Variants in SND1 observed in about 807,000 individuals in gnomAD.
SND1 encodes the protein staphylococcal nuclease domain-containing protein 1.
SND1 carries 38 observed loss-of-function variants against 121.7 expected under a neutral mutation model. The observed-to-expected ratio is 0.31, with a 90% CI of 0.24 to 0.41. The LOEUF (loss-of-function observed/expected upper bound fraction) is 0.41, where lower values mean the gene tolerates loss of function less well. Ranked by LOEUF, SND1 falls within the 10% of genes least tolerant of loss-of-function variation. The probability of loss-of-function intolerance (pLI) is 1.00; values close to 1 mark genes in which losing one functional copy is unlikely to be tolerated. For missense variants in SND1, 868 were observed against 1,184.6 expected (o/e 0.73, Z 3.92); for synonymous variants, 401 against 447.4 (o/e 0.90, Z 1.31).
chr7:127,864,063 C>G (rs1380586453), intron 12 of SND1, among the ~76,000 whole-genome samples: 9 of 152,026 alleles, frequency 5.9e-5, no homozygotes, highest in Non-Finnish European at 7.4e-5. Flanking sequence ...TTGAGCAGAA[C>G]TTTTCTGAAA....
chr7:128,066,497 A>G (rs1009223707), intron 16 of SND1, among the ~76,000 whole-genome samples: 3 of 152,216 alleles, frequency 2.0e-5, no homozygotes, highest in Admixed American at 6.5e-5. Context: ...CCACAGTAGC[A>G]CATGGAAAAT....
Position 128,034,961 on chromosome 7 carries a change from G to A in SND1, c.1780-39541G>A, listed in dbSNP as rs1792720623. Among the ~76,000 whole-genome samples the A allele has an allele frequency of 1.3e-5, 2 of 152,214 alleles. 1 individual carries two copies. Among genetic ancestry groups the A allele is most frequent in the South Asian group, 4.1e-4 (2 of 4,832 alleles). Reference sequence around the variant, plus strand: ...TTGGAATGGTGCCACCAAAGAATAAGAAGGAAAGAAGGCTACTTACACCCT... The same window carrying A: ...TTGGAATGGTGCCACCAAAGAATAAAAAGGAAAGAAGGCTACTTACACCCT... On this transcript the variant is annotated intron_variant, in intron 16 of 23. Coordinates refer to ENST00000354725, the MANE Select transcript of SND1 (RefSeq NM_014390.4).
intron 12 of SND1, among the ~76,000 whole-genome samples, chr7:127,862,756 G>A (rs1334543503): frequency 6.6e-6 from 1 of 150,766 alleles, no homozygotes; most frequent in South Asian, 2.1e-4. Context: ...GTTGCGGATG[G>A]ATGGGTGCTC....
chr7:127,968,039 G>A (rs191278197), intron 15 of SND1, among the ~76,000 whole-genome samples: 4 of 152,290 alleles, frequency 2.6e-5, no homozygotes, highest in Non-Finnish European at 5.9e-5. Context: ...GCTCTGCGAG[G>A]TTATTAATTG....
chr7:128,086,908 T>C (rs1284896510), intron 20 of SND1, 30 bp from the exon 21 acceptor site: 2 of 1,554,890 alleles, frequency 1.3e-6, no homozygotes, highest in Non-Finnish European at 1.8e-6. Context: ...AGCGAGTATG[T>C]GACATGTTGG....
chr7:128,006,627 T>C (rs1802984548), intron 16 of SND1, among the ~76,000 whole-genome samples: 2 of 152,198 alleles, frequency 1.3e-5, no homozygotes, highest in Admixed American at 6.5e-5. Flanking sequence ...ATTTTGAAGG[T>C]TGTTGGTTCT....
chr7:127,721,762 A>G (rs1188546552), intron 10 of SND1, among the ~76,000 whole-genome samples: 1 of 152,186 alleles, frequency 6.6e-6, no homozygotes, highest in Non-Finnish European at 1.5e-5. Flanking sequence ...GTACATTGTA[A>G]TAGGACCCGT....
intron 16 of SND1, chr7:127,999,902 A>T (rs918897327): frequency 1.3e-5 from 2 of 152,160 alleles, no homozygotes; most frequent in Non-Finnish European, 2.9e-5. Context: ...GAAAAATGTT[A>T]TCAGGAGGAA....
intron 16 of SND1, among the ~76,000 whole-genome samples, chr7:128,022,064 C>T (rs1237211356): frequency 3.3e-5 from 5 of 151,690 alleles, no homozygotes; most frequent in East Asian, 1.9e-4. Flanking sequence ...ATTAGCCAGG[C>T]GTGGTGGTGC....
At position 127,862,658 on chromosome 7, in the gene SND1, A is replaced by G. The variant is rs115667802; in HGVS notation, c.1343+18234A>G. ...TTTAACACTCACTGGCCAATGATGA[A>G]AACTTTGATTTCATGCATATCAGAT... On this transcript the variant is annotated intron_variant, in intron 12 of 23. Transcript: ENST00000354725. Among the ~76,000 whole-genome samples the G allele has an allele frequency of 7.9e-3, 1,207 of 152,286 alleles. 18 individuals are homozygous for G. Among genetic ancestry groups the G allele is most frequent in the African/African-American group, 0.027 (1,128 of 41,550 alleles).
intron 12 of SND1, among the ~76,000 whole-genome samples, chr7:127,871,612 T>C (rs1799588402): frequency 6.6e-6 from 1 of 152,200 alleles, no homozygotes; most frequent in South Asian, 2.1e-4. Flanking sequence ...CAGTGATAAG[T>C]TGCAGAAAAC....
At chr7:127,873,669 G>A (rs1434628877) in intron 12 of SND1, among the ~76,000 whole-genome samples, 3 of 152,120 alleles carry the variant, frequency 2.0e-5, no homozygotes, top group African/African-American at 7.2e-5. Flanking sequence ...GAGACAGGCT[G>A]TGTTGCCCAG....
At chr7:127,702,687 C>A (rs1796124612) in intron 6 of SND1, among the ~76,000 whole-genome samples, 161 bp downstream of exon 6, 1 of 152,120 alleles carries the variant, frequency 6.6e-6, no homozygotes, top group African/African-American at 2.4e-5. Flanking sequence ...TACGACAGTT[C>A]TAATTGGATC....
chr7:127,675,999 G>A (rs999033385), intron 1 of SND1, among the ~76,000 whole-genome samples: 4 of 152,220 alleles, frequency 2.6e-5, no homozygotes, highest in Non-Finnish European at 5.9e-5. Context: ...AGGAGGTTGA[G>A]TGAGTTCCTT....
Position 127,701,145 on chromosome 7 carries a change from T to C in SND1, c.429-18T>C, listed in dbSNP as rs1279177579. 3 of 1,612,672 alleles carry C rather than the reference T, an allele frequency of 1.9e-6. No homozygotes were observed. Among genetic ancestry groups the C allele is most frequent in the Non-Finnish European group, 1.7e-6 (2 of 1,179,412 alleles). On this transcript the variant is annotated intron_variant, in intron 4 of 23. Transcript: ENST00000354725. ...TTGTGAACTCACTAACCACTCTTGT[T>C]TATTTTTTATGTCCCAGTCCTGAGC... is the stretch of plus-strand genomic sequence containing the variant.
chr7:127,657,572 A>C (rs1795233084), intron 1 of SND1, among the ~76,000 whole-genome samples: 1 of 152,170 alleles, frequency 6.6e-6, no homozygotes, highest in South Asian at 2.1e-4. Flanking sequence ...GGCTCATTGC[A>C]GCCTTGAACT....
At chr7:127,799,124 C>G (rs569210013) in intron 10 of SND1, among the ~76,000 whole-genome samples, 2 of 152,302 alleles carry the variant, frequency 1.3e-5, no homozygotes, top group Non-Finnish European at 2.9e-5. Context: ...GCTTGGTAGT[C>G]TGCATGGTTA....
chr7:127,771,108 T>C (rs1797505352), intron 10 of SND1, among the ~76,000 whole-genome samples: 1 of 152,192 alleles, frequency 6.6e-6, no homozygotes, highest in African/African-American at 2.4e-5. Flanking sequence ...AGTATTTTCG[T>C]GTAAGAGAAA....
At chr7:127,856,595 GGA>G (rs1472199961) in intron 12 of SND1, among the ~76,000 whole-genome samples, 1 of 152,154 alleles carries the variant, frequency 6.6e-6, no homozygotes, top group Non-Finnish European at 1.5e-5. Flanking sequence ...AAAGGGAGGT[GGA>G]CTGCCTTCTA....
Sources: gnomAD v4.1 joint callset for allele counts (sites outside exome capture counted in the v4.1 genomes callset) on GRCh38, gnomAD v4.1.1 for gene constraint, MANE v1.5 for transcripts, NCBI Gene and HGNC (gene_info 2026-07-23, HGNC 2026-07-21) for gene names.